Variants in PCDH9 observed in about 807,000 individuals in gnomAD.
PCDH9 encodes the protein protocadherin-9.
A neutral mutation model predicts 70.6 loss-of-function variants in PCDH9; 24 were observed. That is an observed-to-expected ratio of 0.34 (90% CI 0.25 to 0.48). PCDH9 has a LOEUF of 0.48. Among genes scored for constraint, PCDH9 ranks in the 20% least tolerant of loss-of-function variants. The probability of loss-of-function intolerance (pLI) is 0.99; values close to 1 mark genes in which losing one functional copy is unlikely to be tolerated. For missense variants in PCDH9, 1,281 were observed against 1,503.6 expected (o/e 0.85, Z 2.45); for synonymous variants, 562 against 558.5 (o/e 1.01, Z -0.09).
At chr13:67,222,780 T>C (rs1215451369) in intron 2 of PCDH9, 1 of 152,134 alleles carries the variant, frequency 6.6e-6, no homozygotes, top group Non-Finnish European at 1.5e-5. Context: ...ACATTTTATA[T>C]AAAAGCCACT....
intron 4 of PCDH9, among the ~76,000 whole-genome samples, chr13:66,478,102 T>A (rs1958766235): frequency 3.3e-5 from 5 of 152,212 alleles, no homozygotes. Context: ...ATATTTTAAA[T>A]GTTTGGTGCA....
At chr13:66,633,649 A>G (rs372474832) in intron 3 of PCDH9, among the ~76,000 whole-genome samples, 21 of 152,260 alleles carry the variant, frequency 1.4e-4, no homozygotes, top group African/African-American at 4.6e-4. Flanking sequence ...AATACCTCTT[A>G]ACTCTGGTGA....
chr13:66,916,296 G>T (rs1275890401), intron 2 of PCDH9, among the ~76,000 whole-genome samples: 1 of 151,436 alleles, frequency 6.6e-6, no homozygotes, highest in Non-Finnish European at 1.5e-5. Context: ...TGTGCAAAAG[G>T]CTAATAACAA....
intron 3 of PCDH9, among the ~76,000 whole-genome samples, chr13:66,828,524 A>G (rs888948115): frequency 6.6e-6 from 1 of 152,192 alleles, no homozygotes; most frequent in Non-Finnish European, 1.5e-5. Flanking sequence ...ATGGGCATCT[A>G]TAAACAATAC....
At chr13:67,061,079 T>C (rs1161467000) in intron 2 of PCDH9, among the ~76,000 whole-genome samples, 1 of 152,132 alleles carries the variant, frequency 6.6e-6, no homozygotes, top group Admixed American at 6.6e-5. Flanking sequence ...TGAAGTTAGA[T>C]GATGTCAGAT....
chr13:66,643,173 C>T (rs988507026), intron 3 of PCDH9, among the ~76,000 whole-genome samples: 1 of 151,936 alleles, frequency 6.6e-6, no homozygotes, highest in African/African-American at 2.4e-5. Context: ...TGGAAAAACA[C>T]TGATGACCTG....
intron 3 of PCDH9, among the ~76,000 whole-genome samples, chr13:66,766,632 G>A (rs1173147659): frequency 2.6e-5 from 4 of 151,824 alleles, no homozygotes; most frequent in African/African-American, 9.7e-5. Flanking sequence ...AAAATGTAGA[G>A]TTGGGAAGGG....
At chr13:66,870,156 C>A (rs945443196) in intron 3 of PCDH9, among the ~76,000 whole-genome samples, 1 of 152,072 alleles carries the variant, frequency 6.6e-6, no homozygotes. Flanking sequence ...GCCAGTTTTC[C>A]CAGCACCATT....
chr13:66,947,524 A>T (rs1445316626), intron 2 of PCDH9, among the ~76,000 whole-genome samples: 1 of 152,134 alleles, frequency 6.6e-6, no homozygotes, highest in Non-Finnish European at 1.5e-5. Flanking sequence ...AGCCTGAAGA[A>T]TTCAAAGAAT....
chr13:66,331,345 G>A (rs1955937805), intron 4 of PCDH9, among the ~76,000 whole-genome samples: 1 of 152,070 alleles, frequency 6.6e-6, no homozygotes, highest in African/African-American at 2.4e-5. Flanking sequence ...ATGAAGGTTG[G>A]CCAACACATA....
intron 3 of PCDH9, among the ~76,000 whole-genome samples, chr13:66,770,432 G>T (rs1042719484): frequency 5.3e-5 from 8 of 151,860 alleles, no homozygotes; most frequent in African/African-American, 1.9e-4. Context: ...AAAAGTCTTA[G>T]ATGAAGCCAC....
At chr13:66,774,785 A>G (rs1290676527) in intron 3 of PCDH9, among the ~76,000 whole-genome samples, 1 of 152,184 alleles carries the variant, frequency 6.6e-6, no homozygotes, top group African/African-American at 2.4e-5. Context: ...GTGCATAATT[A>G]CAATTATCCC....
At chr13:66,307,471 C>G (rs963545063) in intron 4 of PCDH9, among the ~76,000 whole-genome samples, 1 of 152,062 alleles carries the variant, frequency 6.6e-6, no homozygotes, top group Non-Finnish European at 1.5e-5. Flanking sequence ...CAGCAAATTC[C>G]TTTGCCTAGC....
intron 2 of PCDH9, chr13:67,208,988 T>A (rs1461407871): frequency 1.3e-5 from 2 of 152,172 alleles, no homozygotes; most frequent in Non-Finnish European, 2.9e-5. Flanking sequence ...AATTTTAGAT[T>A]GTGTAAGTAT....
At position 66,305,021 on chromosome 13, in the gene PCDH9, A is replaced by G. The variant is rs1955439511; in HGVS notation, c.3348T>C (p.Pro1116=). ...CTTCAGCTAATCCTCGGGGACCCAA[A>G]GGCCCATCTGCAGAAGACAAGAGAG... The part of the protein sequence containing the change: ...DGNSDPNSDG[P]LGPRGLAEAT... Residue 1116 remains proline (P), a synonymous_variant, in exon 5 of 5, where the codon CCT becomes CCC. Coordinates refer to ENST00000377865, the MANE Select transcript of PCDH9 (RefSeq NM_203487.3). 6.2e-7 allele frequency: 1 copy of G among 1,609,266 alleles called. No homozygotes were observed. Among genetic ancestry groups the G allele is most frequent in the African/African-American group, 1.3e-5 (1 of 74,758 alleles).
chr13:66,962,188 A>G (rs2083360399), intron 2 of PCDH9, among the ~76,000 whole-genome samples: 1 of 152,242 alleles, frequency 6.6e-6, no homozygotes. Context: ...GGGATAAGGA[A>G]AAGGATCTTT....
intron 4 of PCDH9, among the ~76,000 whole-genome samples, chr13:66,485,733 T>TTTATTTA (rs1424608398): frequency 1.3e-5 from 2 of 151,912 alleles, no homozygotes; most frequent in Non-Finnish European, 2.9e-5. Context: ...CATTTATTTA[T>TTTATTTA]TTATTTTTTA....
In PCDH9 at chr13:66,388,451, A is replaced by G. The variant is rs182945489; in HGVS notation, c.3341-83423T>C. On this transcript the variant is annotated intron_variant, in intron 4 of 4. Transcript: ENST00000377865. ...TTTTTACCAAGATTTTTTTCCTTCT[A>G]GAAGCCTCCTCAAACACTTCACAGG... Among the ~76,000 whole-genome samples the G allele has an allele frequency of 7.9e-5, 12 of 152,208 alleles. No homozygotes were observed. The East Asian group carries it at 2.1e-3, about 27-fold the overall frequency.
chr13:67,064,285 A>C (rs551654973), intron 2 of PCDH9, among the ~76,000 whole-genome samples: 9 of 151,524 alleles, frequency 5.9e-5, no homozygotes, highest in African/African-American at 2.2e-4. Flanking sequence ...AATTCTCTAG[A>C]TCAGAAAAAA....
Sources: allele counts gnomAD v4.1 joint callset (sites outside exome capture counted in the v4.1 genomes callset), GRCh38; gene constraint gnomAD v4.1.1; transcripts MANE v1.5; gene names NCBI Gene and HGNC (gene_info 2026-07-23, HGNC 2026-07-21).